Variants in GPC3 observed in about 807,000 individuals in gnomAD.
GPC3 encodes glypican 3.
Under a neutral mutation model 34.4 loss-of-function variants are expected in GPC3, and 3 were observed. The ratio of observed to expected loss-of-function variants is 0.09; its 90% CI spans 0.04 to 0.23. The LOEUF (loss-of-function observed/expected upper bound fraction) is 0.23, where lower values mean the gene tolerates loss of function less well. GPC3 is among the 10% of genes least tolerant of loss of function. The pLI is 1.00. For missense variants in GPC3, 351 were observed against 445.6 expected, an observed-to-expected ratio of 0.79 and a Z score of 1.91; for synonymous variants, 177 against 174.0, an observed-to-expected ratio of 1.02 and a Z score of -0.13.
intron 2 of GPC3, among the ~76,000 whole-genome samples, chrX:133,916,620 C>T (rs1006647853): frequency 1.8e-5 from 2 of 111,519 alleles, no homozygotes; most frequent in Non-Finnish European, 3.8e-5. Flanking sequence ...GGCTCACATC[C>T]GTAATCCGAG....
At chrX:133,576,031 A>C (rs2069677000) in intron 7 of GPC3, among the ~76,000 whole-genome samples, 1 of 112,000 alleles carries the variant, frequency 8.9e-6, no homozygotes, top group Non-Finnish European at 1.9e-5. Context: ...ACAGAGGCGC[A>C]GAACTCTTCT....
At chrX:133,784,283 T>C (rs2072081089) in intron 2 of GPC3, among the ~76,000 whole-genome samples, 1 of 111,898 alleles carries the variant, frequency 8.9e-6, no homozygotes, top group Admixed American at 9.5e-5. Flanking sequence ...CACTTCAAGA[T>C]AAATCAAGTT....
chrX:133,612,464 T>G (rs1396373507), intron 6 of GPC3, among the ~76,000 whole-genome samples: 1 of 112,105 alleles, frequency 8.9e-6, no homozygotes, highest in African/African-American at 3.2e-5. Flanking sequence ...TTTACAGCAC[T>G]TCTCACCACT....
intron 7 of GPC3, among the ~76,000 whole-genome samples, chrX:133,557,518 G>C (rs982422324): frequency 9.0e-6 from 1 of 110,838 alleles, no homozygotes; most frequent in Non-Finnish European, 1.9e-5. Context: ...AGCATGACAC[G>C]AGGCTATATC....
At chrX:133,717,816 A>T (rs1355469406) in intron 3 of GPC3, among the ~76,000 whole-genome samples, 3 of 111,839 alleles carry the variant, frequency 2.7e-5, no homozygotes, top group Non-Finnish European at 5.6e-5. Flanking sequence ...ACATCACCCA[A>T]GAACTCTATG....
intron 2 of GPC3, among the ~76,000 whole-genome samples, chrX:133,825,247 G>C (rs780349153): frequency 8.9e-6 from 1 of 112,057 alleles, no homozygotes; most frequent in South Asian, 3.8e-4. Context: ...ATCTTTGTAA[G>C]AATAGTGAAT....
chrX:133,548,869 A>G (rs760806587), intron 7 of GPC3, among the ~76,000 whole-genome samples: 1 of 111,692 alleles, frequency 9.0e-6, no homozygotes, highest in South Asian at 3.8e-4. Context: ...CGCCATCCAC[A>G]TAAGATGTGA....
intron 2 of GPC3, among the ~76,000 whole-genome samples, chrX:133,855,323 C>T (rs770494577): frequency 1.8e-5 from 2 of 109,219 alleles, no homozygotes; most frequent in African/African-American, 6.7e-5. Context: ...TTCCTACACC[C>T]GACTAATTTT....
rs189525802 is a variant in GPC3 at position 133,746,948 on chromosome X, A to G, written c.1032+6534T>C. ...AATCTTGGAAATTCTGACGAGTTAC[A>G]GTCACTCACACTGACAGCAAAATAT... On this transcript the variant is annotated intron_variant, in intron 3 of 7. Coordinates refer to ENST00000370818, the MANE Select transcript of GPC3 (RefSeq NM_004484.4). Among the ~76,000 whole-genome samples the G allele has an allele frequency of 1.6e-3, 182 of 112,017 alleles. 1 individual carries two copies. Among genetic ancestry groups the G allele is most frequent in the African/African-American group, 5.4e-3 (168 of 30,871 alleles).
intron 6 of GPC3, among the ~76,000 whole-genome samples, chrX:133,597,873 C>T (rs1162978591): frequency 3.6e-5 from 4 of 111,019 alleles, no homozygotes; most frequent in African/African-American, 6.5e-5. Context: ...TCCAGCACCA[C>T]GTTCACCCTG....
intron 2 of GPC3, among the ~76,000 whole-genome samples, chrX:133,932,980 C>A (rs765649768): frequency 2.7e-5 from 3 of 111,328 alleles, no homozygotes; most frequent in Non-Finnish European, 5.7e-5. Flanking sequence ...TATAAGTGTG[C>A]ATATAGCGCT....
At chrX:133,709,907 T>C (rs913059382) in intron 3 of GPC3, among the ~76,000 whole-genome samples, 36 of 112,227 alleles carry the variant, frequency 3.2e-4, no homozygotes, top group African/African-American at 1.2e-3. Context: ...ATTTATAACC[T>C]TGTACTTCAG....
intron 2 of GPC3, among the ~76,000 whole-genome samples, chrX:133,790,986 T>C (rs2072154572): frequency 8.9e-6 from 1 of 111,809 alleles, no homozygotes; most frequent in Non-Finnish European, 1.9e-5. Flanking sequence ...CTGTCCTAAG[T>C]GACTGGTCTA....
At chrX:133,735,255 T>C (rs1011883726) in intron 3 of GPC3, among the ~76,000 whole-genome samples, 3 of 111,691 alleles carry the variant, frequency 2.7e-5, no homozygotes, top group East Asian at 2.8e-4. Flanking sequence ...GGCATAATGA[T>C]AGACATAGAG....
intron 2 of GPC3, among the ~76,000 whole-genome samples, chrX:133,795,784 A>G (rs111318583): frequency 3.3e-5 from 3 of 90,794 alleles, no homozygotes; most frequent in Non-Finnish European, 5.2e-5. Flanking sequence ...GCCCTCTCAT[A>G]AGAGTCTCCA....
At chrX:133,584,236 A>G (rs147959305) in intron 7 of GPC3, among the ~76,000 whole-genome samples, 1,270 of 112,316 alleles carry the variant, frequency 0.011, 19 homozygotes, top group African/African-American at 0.038. Context: ...CCATAACTGA[A>G]TATTTACTAA....
chrX:133,646,166 G>C (rs1447264726), intron 6 of GPC3, among the ~76,000 whole-genome samples: 1 of 110,136 alleles, frequency 9.1e-6, no homozygotes, highest in Non-Finnish European at 1.9e-5. Context: ...CCTGTGCCCA[G>C]CACAGGACTG....
chrX:133,919,963 C>T (rs1037640654), intron 2 of GPC3, among the ~76,000 whole-genome samples: 14 of 108,587 alleles, frequency 1.3e-4, no homozygotes, highest in African/African-American at 3.7e-4. Flanking sequence ...AGTTCAAGAC[C>T]AGCCTGAGCA....
intron 2 of GPC3, among the ~76,000 whole-genome samples, chrX:133,779,937 C>T (rs972513804): frequency 1.8e-5 from 2 of 111,491 alleles, no homozygotes; most frequent in African/African-American, 6.5e-5. Context: ...AAGTCCCCAC[C>T]AAGGTGGAGT....
Sources: gnomAD v4.1 joint callset for allele counts (sites outside exome capture counted in the v4.1 genomes callset) on GRCh38, gnomAD v4.1.1 for gene constraint, MANE v1.5 for transcripts, NCBI Gene and HGNC (gene_info 2026-07-23, HGNC 2026-07-21) for gene names.